Variants in PRKAA2 observed in about 807,000 individuals in gnomAD.
The protein encoded by PRKAA2 is 5'-AMP-activated protein kinase catalytic subunit alpha-2.
PRKAA2 carries 40 observed loss-of-function variants against 56.3 expected under a neutral mutation model. That is an observed-to-expected ratio of 0.71 (90% CI 0.55 to 0.92). The LOEUF is 0.92. Among genes scored for constraint, PRKAA2 ranks in the 40% least tolerant of loss-of-function variants. The pLI is 0.00. For missense variants in PRKAA2, 542 were observed against 686.9 expected (o/e 0.79, Z 2.36); for synonymous variants, 214 against 234.2 (o/e 0.91, Z 0.79).
chr1:56,674,322 A>G (rs536157127), intron 1 of PRKAA2, 59 bp from the exon 2 acceptor site: 3 of 1,397,342 alleles, frequency 2.1e-6, no homozygotes, highest in Non-Finnish European at 2.9e-6. Context: ...GGAAGGAAGC[A>G]TGAATAAATG....
chr1:56,694,264 G>A (rs182888229), intron 5 of PRKAA2, among the ~76,000 whole-genome samples: 230 of 152,146 alleles, frequency 1.5e-3, no homozygotes, highest in Middle Eastern at 3.4e-3. Flanking sequence ...GAGATTTTGG[G>A]GGAAAATATT....
At chr1:56,698,081 T>G (rs759841105) in intron 6 of PRKAA2, among the ~76,000 whole-genome samples, 1 of 52,254 alleles carries the variant, frequency 1.9e-5, no homozygotes, top group Non-Finnish European at 5.3e-5. Flanking sequence ...TTTTAATTCT[T>G]TTTTTTTTTT....
At chr1:56,657,971 G>A (rs72666485) in intron 1 of PRKAA2, among the ~76,000 whole-genome samples, 3,456 of 152,198 alleles carry the variant, frequency 0.023, 84 homozygotes, top group East Asian at 0.11. Context: ...ATAATATCTT[G>A]CGAGACTGAG....
intron 1 of PRKAA2, among the ~76,000 whole-genome samples, chr1:56,653,088 A>AT (rs201001750): frequency 0.014 from 2,173 of 152,092 alleles, 16 homozygotes; most frequent in Non-Finnish European, 0.019. Flanking sequence ...TTCACAGTAA[A>AT]TTGATTTTAC....
intron 2 of PRKAA2, among the ~76,000 whole-genome samples, chr1:56,687,421 A>T (rs1486749171): frequency 6.6e-6 from 1 of 152,122 alleles, no homozygotes; most frequent in Non-Finnish European, 1.5e-5. Context: ...ACACACATGC[A>T]TATGTACATA....
intron 1 of PRKAA2, among the ~76,000 whole-genome samples, chr1:56,660,166 A>G (rs866419646): frequency 4.6e-5 from 7 of 152,246 alleles, no homozygotes; most frequent in Middle Eastern, 6.8e-3. Context: ...TTTATTATTT[A>G]TGTTCTCCAC....
At chr1:56,660,297 A>G (rs1484104296) in intron 1 of PRKAA2, among the ~76,000 whole-genome samples, 1 of 152,238 alleles carries the variant, frequency 6.6e-6, no homozygotes, top group Non-Finnish European at 1.5e-5. Context: ...AAGGATGTAC[A>G]AGTTCATTCT....
intron 1 of PRKAA2, among the ~76,000 whole-genome samples, chr1:56,657,423 A>G (rs1038852503): frequency 6.6e-6 from 1 of 152,206 alleles, no homozygotes; most frequent in African/African-American, 2.4e-5. Flanking sequence ...CATGCCTGTA[A>G]TCCCAGCACT....
At position 56,651,491 on chromosome 1, in the gene PRKAA2, A is replaced by G. The variant is rs373886263; in HGVS notation, c.94+6010A>G. Among the ~76,000 whole-genome samples, 12 of 152,178 alleles carry G rather than the reference A, an allele frequency of 7.9e-5. No individual in the cohort carries two copies. In the East Asian group the frequency reaches 1.2e-3, roughly 15 times the overall value. Reference sequence around the variant, plus strand: ...GTGCTATTAAGTGGTAGAGCTAGCAATCAAATTCAGGGTTCTCAGACTGCA... The same window carrying G: ...GTGCTATTAAGTGGTAGAGCTAGCAGTCAAATTCAGGGTTCTCAGACTGCA... On this transcript the variant is annotated intron_variant, in intron 1 of 8. Transcript: ENST00000371244.
At chr1:56,680,274 G>A (rs928131702) in intron 2 of PRKAA2, among the ~76,000 whole-genome samples, 2 of 151,858 alleles carry the variant, frequency 1.3e-5, no homozygotes, top group African/African-American at 2.4e-5. Context: ...CTTAAATTGT[G>A]TTGTAATTGC....
At chr1:56,665,226 G>A (rs574728907) in intron 1 of PRKAA2, among the ~76,000 whole-genome samples, 4 of 151,762 alleles carry the variant, frequency 2.6e-5, no homozygotes, top group East Asian at 2.0e-4. Context: ...GGTGCCCACC[G>A]CCACACCCAG....
chr1:56,694,035 C>G (rs1254132874), intron 5 of PRKAA2, among the ~76,000 whole-genome samples, 183 bp downstream of exon 5: 1 of 152,034 alleles, frequency 6.6e-6, no homozygotes, highest in Non-Finnish European at 1.5e-5. Flanking sequence ...ATTTAGATGT[C>G]ATTATAAATA....
intron 1 of PRKAA2, 89 bp downstream of exon 1, chr1:56,645,570 C>G: frequency 8.0e-7 from 1 of 1,249,060 alleles, no homozygotes; most frequent in Non-Finnish European, 1.1e-6. Context: ...CTCCGGCGGG[C>G]GCGGGGCTCG....
At chr1:56,667,122 G>T (rs1006706397) in intron 1 of PRKAA2, among the ~76,000 whole-genome samples, 1 of 152,208 alleles carries the variant, frequency 6.6e-6, no homozygotes, top group Non-Finnish European at 1.5e-5. Flanking sequence ...TTAGTGGAAA[G>T]AGAAGTGTTT....
intron 1 of PRKAA2, among the ~76,000 whole-genome samples, chr1:56,668,445 C>T (rs1360027209): frequency 6.6e-6 from 1 of 151,718 alleles, no homozygotes; most frequent in African/African-American, 2.4e-5. Context: ...ACCTTCAGCA[C>T]CTTGTCCAGT....
At chr1:56,684,583 C>G (rs529663949) in intron 2 of PRKAA2, among the ~76,000 whole-genome samples, 4 of 152,224 alleles carry the variant, frequency 2.6e-5, no homozygotes, top group African/African-American at 9.6e-5. Flanking sequence ...AATCGGGTAT[C>G]TTGAAGCCAA....
chr1:56,659,742 A>T (rs1206061773), intron 1 of PRKAA2, among the ~76,000 whole-genome samples: 2 of 151,830 alleles, frequency 1.3e-5, no homozygotes, highest in Non-Finnish European at 2.9e-5. Context: ...ACCCCATCTC[A>T]ACAAGAAACA....
intron 2 of PRKAA2, among the ~76,000 whole-genome samples, chr1:56,679,937 T>C (rs1332413350): frequency 6.6e-6 from 1 of 152,162 alleles, no homozygotes; most frequent in Non-Finnish European, 1.5e-5. Flanking sequence ...TATTTTCTCT[T>C]CCTTATGATT....
chr1:56,670,169 A>G (rs1644065026), intron 1 of PRKAA2, among the ~76,000 whole-genome samples: 1 of 152,246 alleles, frequency 6.6e-6, no homozygotes. Context: ...ATGGTTACTC[A>G]GCAAAATTGG....
Sources: gnomAD v4.1 joint callset for allele counts (sites outside exome capture counted in the v4.1 genomes callset) on GRCh38, gnomAD v4.1.1 for gene constraint, MANE v1.5 for transcripts, NCBI Gene and HGNC (gene_info 2026-07-23, HGNC 2026-07-21) for gene names.